The following GRK3 variants were observed in gnomAD, a reference collection of about 807,000 sequenced individuals.
The protein encoded by GRK3 is adrenergic, beta, receptor kinase 2.
Under a neutral mutation model 95.7 loss-of-function variants are expected in GRK3, and 54 were observed. The observed-to-expected ratio is 0.56, with a 90% CI of 0.45 to 0.71. GRK3 has a LOEUF of 0.71. Among genes scored for constraint, GRK3 ranks in the 30% least tolerant of loss-of-function variants. The pLI, the probability that GRK3 is intolerant of heterozygous loss-of-function variation, is 0.00. For synonymous variants in GRK3, 281 were observed against 290.8 expected, an observed-to-expected ratio of 0.97 and a Z score of 0.34; for missense variants, 649 against 851.2, an observed-to-expected ratio of 0.76 and a Z score of 2.96.
intron 5 of GRK3, among the ~76,000 whole-genome samples, chr22:25,666,479 A>T (rs918564792): frequency 1.3e-5 from 2 of 152,194 alleles, no homozygotes; most frequent in South Asian, 4.1e-4. Context: ...CTCTTTCACC[A>T]CAAAGGGGAC....
intron 1 of GRK3, among the ~76,000 whole-genome samples, chr22:25,576,223 C>A (rs1186957241): frequency 6.6e-6 from 1 of 151,950 alleles, no homozygotes; most frequent in African/African-American, 2.4e-5. Context: ...AAACGACCAT[C>A]AGAAGGTGGT....
chr22:25,567,364 G>A (rs1437851053), intron 1 of GRK3, among the ~76,000 whole-genome samples: 2 of 152,104 alleles, frequency 1.3e-5, no homozygotes, highest in Non-Finnish European at 2.9e-5. Flanking sequence ...TTAGGATTCT[G>A]TTACATTGAG....
At chr22:25,573,873 CGT>C (rs1931794079) in intron 1 of GRK3, among the ~76,000 whole-genome samples, 1 of 151,700 alleles carries the variant, frequency 6.6e-6, no homozygotes. Context: ...CACTCCAGTC[CGT>C]GTGGCAAGAG....
chr22:25,666,793 TA>T (rs1002358831), intron 5 of GRK3, among the ~76,000 whole-genome samples: 3 of 151,930 alleles, frequency 2.0e-5, no homozygotes, highest in African/African-American at 2.4e-5. Context: ...TATGAAGACA[TA>T]AAAAAAAGGT....
chr22:25,707,955 C>T (rs1452270666), intron 15 of GRK3, among the ~76,000 whole-genome samples: 1 of 152,032 alleles, frequency 6.6e-6, no homozygotes, highest in Non-Finnish European at 1.5e-5. Flanking sequence ...ATCACCACCC[C>T]GGCCAGGCGC....
intron 2 of GRK3, among the ~76,000 whole-genome samples, chr22:25,606,003 C>T (rs1181911840): frequency 2.0e-5 from 3 of 152,132 alleles, no homozygotes; most frequent in Non-Finnish European, 2.9e-5. Context: ...TAGCTCCTTT[C>T]CTGTCTACAG....
chr22:25,602,435 T>A (rs1261997253), intron 1 of GRK3, among the ~76,000 whole-genome samples: 2 of 152,234 alleles, frequency 1.3e-5, no homozygotes, highest in Admixed American at 1.3e-4. Context: ...ATGTTAAATA[T>A]GATTTTCCAT....
chr22:25,622,639 T>C (rs1156688475), intron 2 of GRK3, among the ~76,000 whole-genome samples: 1 of 152,134 alleles, frequency 6.6e-6, no homozygotes, highest in Non-Finnish European at 1.5e-5. Flanking sequence ...CCAGGCCCGA[T>C]GTATGTTTTA....
rs1045145278 is a variant in GRK3 at position 25,625,491 on chromosome 22, C to T, written c.191-19101C>T. On this transcript the variant is annotated intron_variant, in intron 2 of 20. Transcript: ENST00000324198. ...GGAAGATGCCCGTTGCCAGGCGGACCGTGGTCTAGCGGCAGCGAAAAGTGT... is the reference window on the plus strand; with the variant it reads ...GGAAGATGCCCGTTGCCAGGCGGACTGTGGTCTAGCGGCAGCGAAAAGTGT... 4.9e-4 allele frequency among the ~76,000 whole-genome samples: 74 copies of T among 152,140 alleles called. 1 individual carries two copies. Among genetic ancestry groups the T allele is most frequent in the Non-Finnish European group, 8.8e-5 (6 of 68,028 alleles).
chr22:25,696,154 A>G (rs2085207142), intron 13 of GRK3, among the ~76,000 whole-genome samples: 1 of 151,522 alleles, frequency 6.6e-6, no homozygotes, highest in South Asian at 2.1e-4. Context: ...CTAATTTTTT[A>G]ATGTTTTTAG....
chr22:25,604,005 T>G (rs1414008091), intron 1 of GRK3, among the ~76,000 whole-genome samples: 3 of 152,160 alleles, frequency 2.0e-5, no homozygotes, highest in African/African-American at 4.8e-5. Flanking sequence ...GCAGAATTTG[T>G]GGTGGGGGGG....
intron 1 of GRK3, among the ~76,000 whole-genome samples, chr22:25,601,119 A>C (rs2084406685): frequency 6.6e-6 from 1 of 152,226 alleles, no homozygotes; most frequent in Non-Finnish European, 1.5e-5. Context: ...CAGAAAATCC[A>C]TAAGGATATA....
intron 5 of GRK3, among the ~76,000 whole-genome samples, chr22:25,666,694 C>T (rs918689156): frequency 6.6e-6 from 1 of 152,110 alleles, no homozygotes; most frequent in Non-Finnish European, 1.5e-5. Flanking sequence ...CCTGTGGCTT[C>T]TGCAGACTTC....
chr22:25,644,288 G>A (rs1007608291), intron 2 of GRK3, among the ~76,000 whole-genome samples: 2 of 151,888 alleles, frequency 1.3e-5, no homozygotes, highest in Non-Finnish European at 2.9e-5. Flanking sequence ...AATGGTCAGC[G>A]GCTCCAAGTG....
chr22:25,702,680 T>C lies in GRK3; in HGVS notation c.1161-830T>C, dbSNP rs568743380. Among the ~76,000 whole-genome samples the C allele has an allele frequency of 2.0e-5, 3 of 152,370 alleles. No individual in the cohort carries two copies. In the South Asian group the frequency reaches 6.2e-4, roughly 32 times the overall value. ...TTTTACATAGTTCACCAAGTAGACA[T>C]TCATTTCATAAAGTAAGAGTTATCT... On this transcript the variant is annotated intron_variant, in intron 13 of 20. Transcript: ENST00000324198.
Position 25,685,237 on chromosome 22 carries a change from A to T in GRK3, c.815A>T (p.Asp272Val). 1 of 1,612,456 alleles carries T rather than the reference A, an allele frequency of 6.2e-7. No individual in the cohort carries two copies. The highest frequency in any genetic ancestry group is 8.5e-7 in the Non-Finnish European group (1 of 1,178,534). Residue 272 changes from aspartate to valine, a missense_variant, in exon 10 of 21, where the codon GAT becomes GTT. Asp to Val is a radical substitution (Grantham distance 152). This residue lies in a region of GRK3 where 61 missense variants were observed against 126.0 expected (regional missense o/e 0.48). Transcript: ENST00000324198. ...CCAGATAAACTCTGCTTCATCCTGG[A>T]TCTGATGAACGGTAAGCAAAACTTG... is the stretch of plus-strand genomic sequence containing the variant. ...HTPDKLCFILDLMNGGDLHYH... is the reference protein window; with the variant it reads ...HTPDKLCFILVLMNGGDLHYH...
chr22:25,589,818 G>A (rs1012946414), intron 1 of GRK3, among the ~76,000 whole-genome samples: 1 of 152,190 alleles, frequency 6.6e-6, no homozygotes, highest in African/African-American at 2.4e-5. Context: ...ACATGGCTGG[G>A]GAGGCCTCAC....
intron 2 of GRK3, among the ~76,000 whole-genome samples, chr22:25,625,127 G>C (rs2084617468): frequency 6.6e-6 from 1 of 151,918 alleles, no homozygotes; most frequent in South Asian, 2.1e-4. Context: ...CGTGTTAGCT[G>C]TGGGCGGCAA....
chr22:25,665,491 C>A (rs2084935700), intron 5 of GRK3, among the ~76,000 whole-genome samples: 1 of 151,990 alleles, frequency 6.6e-6, no homozygotes, highest in South Asian at 2.1e-4. Flanking sequence ...TTCTTTCATA[C>A]CTTCAAAAAA....
Sources: allele counts gnomAD v4.1 joint callset (sites outside exome capture counted in the v4.1 genomes callset), GRCh38; gene constraint gnomAD v4.1.1; regional missense constraint gnomAD v4.1.1; transcripts MANE v1.5; gene names NCBI Gene and HGNC (gene_info 2026-07-23, HGNC 2026-07-21).